The following CNTN6 variants were observed in gnomAD, a reference collection of about 807,000 sequenced individuals.
CNTN6 encodes the protein contactin-6.
Under a neutral mutation model 122.8 loss-of-function variants are expected in CNTN6, and 137 were observed. The ratio of observed to expected loss-of-function variants is 1.12; its 90% CI spans 0.97 to 1.29. CNTN6 has a LOEUF of 1.29. Among genes scored for constraint, CNTN6 ranks in the 50% most tolerant of loss-of-function variants. The pLI is 0.00. For synonymous variants in CNTN6, 570 were observed against 426.0 expected (o/e 1.34, Z -4.16); for missense variants, 1,634 against 1,223.4 (o/e 1.34, Z -5.01).
chr3:1,300,354 G>C (rs1025265660), intron 7 of CNTN6, among the ~76,000 whole-genome samples: 4 of 151,772 alleles, frequency 2.6e-5, no homozygotes, highest in African/African-American at 4.8e-5. Flanking sequence ...TGTCTCAGAG[G>C]GGGTATGAAT....
intron 2 of CNTN6, among the ~76,000 whole-genome samples, chr3:1,201,594 C>A (rs2125429906): frequency 6.6e-6 from 1 of 152,234 alleles, no homozygotes; most frequent in Non-Finnish European, 1.5e-5. Flanking sequence ...AGAACAACCC[C>A]AACATCAATT....
chr3:1,385,221 A>ATAACTC (rs1275831770), intron 19 of CNTN6, among the ~76,000 whole-genome samples: 3 of 152,132 alleles, frequency 2.0e-5, no homozygotes, highest in Non-Finnish European at 4.4e-5. Context: ...TGTGATTCAA[A>ATAACTC]TAACTCTGAA....
intron 2 of CNTN6, among the ~76,000 whole-genome samples, chr3:1,154,817 T>G (rs997479312): frequency 6.6e-6 from 1 of 152,188 alleles, no homozygotes; most frequent in East Asian, 1.9e-4. Flanking sequence ...TGCCATTCCA[T>G]CAAGTCACGA....
At chr3:1,344,404 A>G (rs1704352618) in intron 11 of CNTN6, among the ~76,000 whole-genome samples, 1 of 152,156 alleles carries the variant, frequency 6.6e-6, no homozygotes, top group Admixed American at 6.6e-5. Flanking sequence ...AGAAAAAGGG[A>G]TTAATTTACC....
chr3:1,323,882 G>A (rs1051870262), intron 8 of CNTN6, among the ~76,000 whole-genome samples: 4 of 150,400 alleles, frequency 2.7e-5, no homozygotes, highest in Non-Finnish European at 5.9e-5. Flanking sequence ...GAATGTTCAC[G>A]TTGAATAAAT....
At chr3:1,299,273 G>C (rs1696799021) in intron 7 of CNTN6, among the ~76,000 whole-genome samples, 1 of 151,900 alleles carries the variant, frequency 6.6e-6, no homozygotes, top group Non-Finnish European at 1.5e-5. Flanking sequence ...CCATTTTCAG[G>C]CTTTTTCAGA....
intron 12 of CNTN6, among the ~76,000 whole-genome samples, chr3:1,353,377 A>T (rs1705981017): frequency 6.6e-6 from 1 of 151,720 alleles, no homozygotes; most frequent in Admixed American, 6.6e-5. Context: ...AAGGAAAATA[A>T]ACACCCACCT....
At chr3:1,139,333 A>G (rs2125131537) in intron 1 of CNTN6, among the ~76,000 whole-genome samples, 1 of 152,230 alleles carries the variant, frequency 6.6e-6, no homozygotes. Flanking sequence ...ATAAATTCCT[A>G]TCCCTGTACT....
At chr3:1,236,179 C>T (rs969854707) in intron 4 of CNTN6, among the ~76,000 whole-genome samples, 2 of 151,784 alleles carry the variant, frequency 1.3e-5, no homozygotes, top group African/African-American at 4.9e-5. Context: ...AGCTCTATCG[C>T]CCTGCCCACC....
At chr3:1,113,294 T>A (rs979467455) in intron 1 of CNTN6, among the ~76,000 whole-genome samples, 4 of 152,194 alleles carry the variant, frequency 2.6e-5, no homozygotes, top group African/African-American at 9.6e-5. Flanking sequence ...TTATTCAAAT[T>A]TGCTTCATCT....
At chr3:1,266,983 GTC>G (rs931084776) in intron 4 of CNTN6, among the ~76,000 whole-genome samples, 1 of 131,664 alleles carries the variant, frequency 7.6e-6, no homozygotes, top group Non-Finnish European at 1.6e-5. Flanking sequence ...TGGAGACAGA[GTC>G]TCTCTCTGTA....
chr3:1,161,918 TGATATTTTATTTTTCATACAGAATTA>T (rs1209469576), intron 2 of CNTN6, among the ~76,000 whole-genome samples: 2 of 152,102 alleles, frequency 1.3e-5, no homozygotes, highest in African/African-American at 4.8e-5. Context: ...ATTTAGATTT[TGATATTTTATTTTTCATACAGAATTA>T]GTACTAAATT....
intron 4 of CNTN6, among the ~76,000 whole-genome samples, chr3:1,251,188 G>C (rs905964020): frequency 4.6e-5 from 7 of 152,024 alleles, no homozygotes; most frequent in African/African-American, 1.7e-4. Flanking sequence ...TGTTGCCCTT[G>C]TTTATCGACC....
intron 17 of CNTN6, among the ~76,000 whole-genome samples, chr3:1,377,995 A>C (rs912748704): frequency 2.0e-5 from 3 of 152,066 alleles, no homozygotes; most frequent in African/African-American, 7.2e-5. Flanking sequence ...TCCCAACTGC[A>C]ATTCCTTGGT....
intron 4 of CNTN6, among the ~76,000 whole-genome samples, chr3:1,243,892 C>T (rs1018442531): frequency 5.9e-5 from 9 of 151,770 alleles, no homozygotes; most frequent in African/African-American, 1.2e-4. Flanking sequence ...GAAGACTCAG[C>T]GATGCTTGGG....
chr3:1,326,809 C>T (rs1701606298), intron 9 of CNTN6, among the ~76,000 whole-genome samples: 1 of 151,888 alleles, frequency 6.6e-6, no homozygotes, highest in Non-Finnish European at 1.5e-5. Flanking sequence ...TCTGTTTCCT[C>T]CAGCCTATTT....
chr3:1,386,294 T>C (rs150779767), intron 20 of CNTN6, among the ~76,000 whole-genome samples: 3 of 152,184 alleles, frequency 2.0e-5, no homozygotes, highest in Non-Finnish European at 4.4e-5. Context: ...TCCGAGTATA[T>C]TCACATGTGA....
intron 2 of CNTN6, among the ~76,000 whole-genome samples, chr3:1,174,140 G>C (rs1293669251): frequency 2.0e-5 from 3 of 152,126 alleles, no homozygotes; most frequent in Non-Finnish European, 4.4e-5. Context: ...TTTATAAAAT[G>C]GGTCTTCTCT....
intron 2 of CNTN6, among the ~76,000 whole-genome samples, chr3:1,214,680 A>G (rs1182941325): frequency 1.3e-5 from 2 of 152,100 alleles, no homozygotes; most frequent in Non-Finnish European, 2.9e-5. Context: ...GAATATTTAC[A>G]GACTTTTCTT....
Sources: gnomAD v4.1 joint callset for allele counts (sites outside exome capture counted in the v4.1 genomes callset) on GRCh38, gnomAD v4.1.1 for gene constraint, MANE v1.5 for transcripts, NCBI Gene and HGNC (gene_info 2026-07-23, HGNC 2026-07-21) for gene names.